The following KAT6B variants were observed in gnomAD, a reference collection of about 807,000 sequenced individuals.
KAT6B encodes the protein lysine acetyltransferase 6B.
A neutral mutation model predicts 187.5 loss-of-function variants in KAT6B; 10 were observed. The observed-to-expected ratio is 0.05, with a 90% CI of 0.03 to 0.09. The LOEUF is 0.09. Among genes scored for constraint, KAT6B ranks in the 10% least tolerant of loss-of-function variants. KAT6B has a pLI of 1.00. For synonymous variants in KAT6B, 861 were observed against 926.8 expected, an observed-to-expected ratio of 0.93 and a Z score of 1.29; for missense variants, 1,952 against 2,558.9, an observed-to-expected ratio of 0.76 and a Z score of 5.12.
intron 13 of KAT6B, among the ~76,000 whole-genome samples, chr10:74,992,999 A>C (rs774634513): frequency 4.6e-5 from 7 of 152,168 alleles, no homozygotes; most frequent in Non-Finnish European, 8.8e-5. Context: ...TCAGTCAGAA[A>C]ATTTGAAAGT....
At chr10:74,901,353 T>C (rs1339987793) in intron 3 of KAT6B, among the ~76,000 whole-genome samples, 2 of 152,272 alleles carry the variant, frequency 1.3e-5, no homozygotes, top group Non-Finnish European at 2.9e-5. Flanking sequence ...AAGTATGTAG[T>C]GACCTCACTT....
chr10:75,009,958 G>A (rs1844482737), intron 13 of KAT6B, among the ~76,000 whole-genome samples: 4 of 152,218 alleles, frequency 2.6e-5, no homozygotes, highest in Admixed American at 2.6e-4. Flanking sequence ...CCGAGATCAT[G>A]CCATTGCACT....
At chr10:74,893,899 T>C (rs183838757) in intron 3 of KAT6B, among the ~76,000 whole-genome samples, 6 of 152,358 alleles carry the variant, frequency 3.9e-5, no homozygotes, top group African/African-American at 1.4e-4. Context: ...ATTTATACTC[T>C]GCAGGTTTCA....
In KAT6B at chr10:74,843,307, G is replaced by A; in HGVS notation, c.450G>A (p.Gln150=). 6.2e-7 allele frequency: 1 copy of A among 1,613,706 alleles called. No homozygotes were observed. Among genetic ancestry groups the A allele is most frequent in the Non-Finnish European group, 8.5e-7 (1 of 1,179,834 alleles). Residue 150 remains glutamine, a synonymous_variant, in exon 3 of 18, where the codon CAG becomes CAA. Coordinates refer to ENST00000287239, the MANE Select transcript of KAT6B (RefSeq NM_012330.4). ...TSTTNNPAFQ[Q]RLRLGAKRAV... is the part of the protein sequence containing the mutation. The stretch of plus-strand genomic sequence containing the variant: ...CCACCAACAACCCAGCCTTTCAGCA[G>A]CGGCTGCGACTGGGGGCCAAACGCG...
chr10:74,986,830 A>T (rs1842834818), intron 12 of KAT6B, among the ~76,000 whole-genome samples: 1 of 152,166 alleles, frequency 6.6e-6, no homozygotes, highest in Non-Finnish European at 1.5e-5. Flanking sequence ...TGTTTCTTTC[A>T]TTGTCTGTGG....
intron 3 of KAT6B, among the ~76,000 whole-genome samples, chr10:74,851,201 G>A (rs556247519): frequency 2.3e-4 from 35 of 150,054 alleles, no homozygotes; most frequent in African/African-American, 7.8e-4. Context: ...GCCGCCTCTC[G>A]GGTTCAAGCG....
At position 74,982,130 on chromosome 10, in the gene KAT6B, A is replaced by G. The variant is rs1338080376; in HGVS notation, c.2373+202A>G. The G allele has an allele frequency of 7.1e-5, 39 of 548,210 alleles. 1 individual carries two copies. The East Asian group carries it at 8.7e-4, about 12-fold the overall frequency. The allele number at this position is 548,210 out of a possible 1,614,324, so 34.0% of individuals were successfully genotyped here. A position where few individuals can be genotyped will look rare whatever the true frequency, so the allele number is the denominator to read the frequency against. On this transcript the variant is annotated intron_variant, in intron 11 of 17. Transcript: ENST00000287239. ...CCATTTAGACTGATGAAGAATCCCT[A>G]CTTCATCACATTAACATTTTTGTCT...
At chr10:74,948,121 G>A (rs1237188290) in intron 3 of KAT6B, among the ~76,000 whole-genome samples, 2 of 152,176 alleles carry the variant, frequency 1.3e-5, no homozygotes, top group Non-Finnish European at 2.9e-5. Flanking sequence ...AATTGAAAGG[G>A]TCAGAGGTAG....
At chr10:74,932,123 A>G (rs901265921) in intron 3 of KAT6B, among the ~76,000 whole-genome samples, 3 of 152,228 alleles carry the variant, frequency 2.0e-5, no homozygotes, top group African/African-American at 7.2e-5. Context: ...CATAATGGAT[A>G]GAGAGTCTGT....
chr10:75,000,857 G>C (rs1255600528), intron 13 of KAT6B, among the ~76,000 whole-genome samples: 1 of 152,094 alleles, frequency 6.6e-6, no homozygotes, highest in East Asian at 1.9e-4. Flanking sequence ...CTCTTCATAT[G>C]TTGAGGGTTT....
At chr10:74,965,379 C>T (rs950362945) in intron 4 of KAT6B, among the ~76,000 whole-genome samples, 1 of 152,140 alleles carries the variant, frequency 6.6e-6, no homozygotes, top group Admixed American at 6.5e-5. Context: ...GGCATTAATG[C>T]TCATTCTTGT....
At chr10:74,911,025 A>G (rs978922526) in intron 3 of KAT6B, among the ~76,000 whole-genome samples, 2 of 152,296 alleles carry the variant, frequency 1.3e-5, no homozygotes, top group African/African-American at 4.8e-5. Flanking sequence ...GTATTTTGTG[A>G]AACATCTTTC....
chr10:74,859,783 A>C (rs1843050269), intron 3 of KAT6B, among the ~76,000 whole-genome samples: 1 of 152,238 alleles, frequency 6.6e-6, no homozygotes, highest in Admixed American at 6.5e-5. Context: ...ATGTAACAAG[A>C]TGCCAACAAT....
chr10:74,838,615 C>A (rs151135603), intron 1 of KAT6B, 68 bp from the exon 2 acceptor site: 1 of 152,096 alleles, frequency 6.6e-6, no homozygotes, highest in South Asian at 2.1e-4. Context: ...TGTGGAGATA[C>A]ACGGATGGTT....
At chr10:74,920,504 G>T (rs762433187) in intron 3 of KAT6B, among the ~76,000 whole-genome samples, 1 of 152,062 alleles carries the variant, frequency 6.6e-6, no homozygotes, top group Non-Finnish European at 1.5e-5. Flanking sequence ...TACCTATTCT[G>T]TCCTCATTAG....
At chr10:74,836,241 A>C (rs942251816) in intron 1 of KAT6B, among the ~76,000 whole-genome samples, 5 of 152,146 alleles carry the variant, frequency 3.3e-5, no homozygotes, top group African/African-American at 9.7e-5. Flanking sequence ...GGCTGTTTAC[A>C]CCTTTTGGCT....
At chr10:74,930,788 A>G (rs1386645018) in intron 3 of KAT6B, among the ~76,000 whole-genome samples, 1 of 152,036 alleles carries the variant, frequency 6.6e-6, no homozygotes, top group African/African-American at 2.4e-5. Flanking sequence ...TTTCTCAATA[A>G]TTTTCAGTCT....
chr10:74,887,152 C>T (rs1232866835), intron 3 of KAT6B, among the ~76,000 whole-genome samples: 1 of 151,980 alleles, frequency 6.6e-6, no homozygotes, highest in Admixed American at 6.6e-5. Context: ...ACCCAATGCC[C>T]TGGGGTTGGT....
intron 13 of KAT6B, among the ~76,000 whole-genome samples, chr10:75,018,033 T>G (rs1845104219): frequency 6.6e-6 from 1 of 152,224 alleles, no homozygotes; most frequent in South Asian, 2.1e-4. Context: ...CTGCAAGCCA[T>G]GCAGGGGTCC....
Sources: gnomAD v4.1 joint callset for allele counts (sites outside exome capture counted in the v4.1 genomes callset) on GRCh38, gnomAD v4.1.1 for gene constraint, MANE v1.5 for transcripts, NCBI Gene and HGNC (gene_info 2026-07-23, HGNC 2026-07-21) for gene names.